Variants in INSR observed in about 807,000 individuals in gnomAD.
The protein encoded by INSR is IR.
Under a neutral mutation model 142.6 loss-of-function variants are expected in INSR, and 67 were observed. That is an observed-to-expected ratio of 0.47 (90% CI 0.39 to 0.58). The LOEUF is 0.58. Ranked by LOEUF, INSR falls within the 20% of genes least tolerant of loss-of-function variation. The pLI is 0.00. For missense variants in INSR, 1,248 were observed against 1,833.2 expected (o/e 0.68, Z 5.83); for synonymous variants, 756 against 743.1 (o/e 1.02, Z -0.28).
chr19:7,197,393 T>C (rs923223188), intron 2 of INSR, among the ~76,000 whole-genome samples: 1 of 152,164 alleles, frequency 6.6e-6, no homozygotes, highest in Non-Finnish European at 1.5e-5. Flanking sequence ...GGGCGGGCCC[T>C]CTCCATGCTG....
intron 13 of INSR, among the ~76,000 whole-genome samples, chr19:7,138,251 A>G (rs1274083477): frequency 1.4e-4 from 22 of 152,198 alleles, no homozygotes. Flanking sequence ...GGCGTGAGCC[A>G]CTGCACCCAG....
chr19:7,168,129 AT>A lies in INSR; in HGVS notation c.1484-36del. ...TTAAAACAAAAGGCAAAAATGAGCTATTTCAGTGTAGTTTCAGACCAAAGCC... is the reference window on the plus strand; with the variant it reads ...TTAAAACAAAAGGCAAAAATGAGCTATTCAGTGTAGTTTCAGACCAAAGCC... On this transcript the variant is annotated intron_variant, in intron 6 of 21. Coordinates refer to ENST00000302850, the MANE Select transcript of INSR (RefSeq NM_000208.4). The surrounding 1 kb of genome is among the most constrained non-coding windows in gnomAD (Gnocchi z 4.3). 1 of 1,610,778 alleles carries A rather than the reference AT, an allele frequency of 6.2e-7. No individual in the cohort carries two copies. The highest frequency in any genetic ancestry group is 8.5e-7 in the Non-Finnish European group (1 of 1,177,772).
intron 2 of INSR, among the ~76,000 whole-genome samples, chr19:7,210,749 A>G (rs1975250642): frequency 6.6e-6 from 1 of 152,122 alleles, no homozygotes; most frequent in African/African-American, 2.4e-5. Context: ...AGACAGAGAG[A>G]GACAGAGTCT....
intron 2 of INSR, among the ~76,000 whole-genome samples, chr19:7,242,546 T>C (rs1976386450): frequency 1.3e-5 from 2 of 151,834 alleles, no homozygotes; most frequent in African/African-American, 4.8e-5. Flanking sequence ...GAGACCAGCC[T>C]GGCCAACATG....
chr19:7,118,473 G>A (rs879880053), intron 21 of INSR, among the ~76,000 whole-genome samples: 1 of 151,552 alleles, frequency 6.6e-6, no homozygotes, highest in Admixed American at 6.6e-5. Context: ...GCCCACGACC[G>A]CGCCTGGGTA....
At chr19:7,145,306 C>T (rs971142749) in intron 11 of INSR, among the ~76,000 whole-genome samples, 14 of 151,956 alleles carry the variant, frequency 9.2e-5, no homozygotes, top group Non-Finnish European at 1.6e-4. Context: ...CACTTTAAAA[C>T]GTGTTCCTTT....
chr19:7,289,649 G>A (rs1056367184), intron 1 of INSR, among the ~76,000 whole-genome samples: 11 of 151,906 alleles, frequency 7.2e-5, no homozygotes, highest in East Asian at 1.9e-4. Context: ...CAGGGGATCC[G>A]CCCACCTCAG....
chr19:7,237,640 C>A (rs1182246096), intron 2 of INSR, among the ~76,000 whole-genome samples: 1 of 151,742 alleles, frequency 6.6e-6, no homozygotes, highest in African/African-American at 2.4e-5. Context: ...ATGGTGAAAT[C>A]CCGTCTCTAT....
chr19:7,201,050 A>G (rs1380653785), intron 2 of INSR, among the ~76,000 whole-genome samples: 2 of 152,096 alleles, frequency 1.3e-5, no homozygotes, highest in African/African-American at 4.8e-5. Context: ...GGCAATACAC[A>G]TTTTATGCAA....
At chr19:7,246,984 T>C (rs1166499766) in intron 2 of INSR, among the ~76,000 whole-genome samples, 1 of 126,074 alleles carries the variant, frequency 7.9e-6, no homozygotes. Flanking sequence ...AGCTAGCTGA[T>C]ACAAGCTCCA....
chr19:7,229,332 A>ATGGAGAGATGGATG, intron 2 of INSR, among the ~76,000 whole-genome samples: 1 of 81,902 alleles, frequency 1.2e-5, no homozygotes, highest in South Asian at 4.5e-4. Flanking sequence ...ATGGATGGAT[A>ATGGAGAGATGGATG]GATGGATGGA....
intron 11 of INSR, among the ~76,000 whole-genome samples, chr19:7,149,678 C>T (rs1334204217): frequency 6.6e-6 from 1 of 151,876 alleles, no homozygotes; most frequent in African/African-American, 2.4e-5. Flanking sequence ...AAAAATTAGC[C>T]GGGCGTGGTG....
Position 7,241,100 on chromosome 19 carries a change from A to G in INSR, c.652+26245T>C, listed in dbSNP as rs558314400. Among the ~76,000 whole-genome samples, 30 of 152,266 alleles carry G rather than the reference A, an allele frequency of 2.0e-4. 1 individual carries two copies. In the South Asian group the frequency reaches 3.9e-3, roughly 20 times the overall value. On this transcript the variant is annotated intron_variant, in intron 2 of 21. Coordinates refer to ENST00000302850, the MANE Select transcript of INSR (RefSeq NM_000208.4). The stretch of plus-strand genomic sequence containing the variant: ...TGGGAAGAAGGGAGGAGAATATAGC[A>G]AGGGAAGATGACAAAGAGAACTCCA...
At chr19:7,122,857 T>C in intron 18 of INSR, 22 bp downstream of exon 18, 1 of 1,610,778 alleles carries the variant, frequency 6.2e-7, no homozygotes, top group Non-Finnish European at 8.5e-7. Flanking sequence ...AGTACCCCGC[T>C]GGGTCCCCCG....
chr19:7,230,574 AG>A (rs1273280470), intron 2 of INSR, among the ~76,000 whole-genome samples: 6 of 152,294 alleles, frequency 3.9e-5, no homozygotes, highest in African/African-American at 1.4e-4. Flanking sequence ...TGGGAGGCCA[AG>A]GCAGGTGGAT....
rs1427871967 is a variant in INSR, at chr19:7,226,377, T to C, written c.652+40968A>G. On this transcript the variant is annotated intron_variant, in intron 2 of 21. Coordinates refer to ENST00000302850, the MANE Select transcript of INSR (RefSeq NM_000208.4). ...GTGAGCCAAGATCGCACCACTGCAC[T>C]CCAGCCTGGCAACAGAGTGAGACTC... Among the ~76,000 whole-genome samples the C allele has an allele frequency of 6.6e-5, 8 of 121,994 alleles. No individual in the cohort carries two copies. The East Asian group carries it at 2.0e-3, about 31-fold the overall frequency. 80.0% of individuals were successfully genotyped at this position (121,994 alleles called of 152,430 possible).
intron 11 of INSR, among the ~76,000 whole-genome samples, chr19:7,148,114 A>G (rs1188327276): frequency 6.6e-6 from 1 of 151,824 alleles, no homozygotes; most frequent in African/African-American, 2.4e-5. Flanking sequence ...GGGTTTCGCC[A>G]TGTTGCCCAG....
Position 7,174,857 on chromosome 19 carries a change from T to G in INSR, c.975-126A>C, listed in dbSNP as rs1243853492. On this transcript the variant is annotated intron_variant, in intron 3 of 21. Transcript: ENST00000302850. ...TATTTCTTTGTGTGTGTGTGTGTGTTTGTGTGACAGAGTCTCGCTCTGTTG... is the reference window on the plus strand; with the variant it reads ...TATTTCTTTGTGTGTGTGTGTGTGTGTGTGTGACAGAGTCTCGCTCTGTTG... The G allele has an allele frequency of 9.4e-6, 9 of 961,224 alleles. No homozygotes were observed. The East Asian group carries it at 1.4e-4, about 15-fold the overall frequency. The allele number at this position is 961,224 out of a possible 1,614,324, so 59.5% of individuals were successfully genotyped here.
intron 12 of INSR, 43 bp downstream of exon 12, chr19:7,142,773 A>G: frequency 6.2e-7 from 1 of 1,610,720 alleles, no homozygotes; most frequent in Non-Finnish European, 8.5e-7. Flanking sequence ...GTCAGCCTTG[A>G]TGTCCCACCC....
Sources: allele counts gnomAD v4.1 joint callset (sites outside exome capture counted in the v4.1 genomes callset), GRCh38; gene constraint gnomAD v4.1.1; non-coding constraint Gnocchi (gnomAD v3.1); transcripts MANE v1.5; gene names NCBI Gene and HGNC (gene_info 2026-07-23, HGNC 2026-07-21).